CAST: variants seen among roughly 807,000 people sequenced by gnomAD.
CAST encodes the protein calpastatin.
Under a neutral mutation model 119.6 loss-of-function variants are expected in CAST, and 76 were observed. That is an observed-to-expected ratio of 0.64 (90% CI 0.53 to 0.77). The LOEUF (loss-of-function observed/expected upper bound fraction) is 0.77, where lower values mean the gene tolerates loss of function less well. Among genes scored for constraint, CAST ranks in the 30% least tolerant of loss-of-function variants. The probability of loss-of-function intolerance (pLI) is 0.00; values close to 1 mark genes in which losing one functional copy is unlikely to be tolerated. For synonymous variants in CAST, 319 were observed against 331.6 expected, an observed-to-expected ratio of 0.96 and a Z score of 0.41; for missense variants, 953 against 946.5, an observed-to-expected ratio of 1.01 and a Z score of -0.09.
intron 1 of CAST, among the ~76,000 whole-genome samples, chr5:96,577,827 A>G (rs147587468): frequency 4.1e-4 from 63 of 152,262 alleles, no homozygotes; most frequent in Non-Finnish European, 4.4e-4. Flanking sequence ...TGTTCTCTTG[A>G]AAAGGGTACA....
At chr5:96,412,939 TCC>T in the CAST span, 1 of 961,294 alleles carries the variant, frequency 1.0e-6, no homozygotes, top group Non-Finnish European at 1.2e-6. Context: ...AGAAAGACCC[TCC>T]AAGCAGCCCT....
At chr5:96,295,966 A>G in the CAST span, among the ~76,000 whole-genome samples, 1 of 152,230 alleles carries the variant, frequency 6.6e-6, no homozygotes, top group African/African-American at 2.4e-5. Flanking sequence ...GGTATTATAG[A>G]AGATTTTAAC....
the CAST span, among the ~76,000 whole-genome samples, chr5:96,126,018 C>A: frequency 6.6e-6 from 1 of 152,238 alleles, no homozygotes; most frequent in Non-Finnish European, 1.5e-5. Flanking sequence ...GCTTTCTTTG[C>A]AGAAATGTTC....
At chr5:96,504,823 T>C in the CAST span, among the ~76,000 whole-genome samples, 3 of 152,248 alleles carry the variant, frequency 2.0e-5, no homozygotes, top group Non-Finnish European at 4.4e-5. Context: ...GCTTTCTGTA[T>C]CTGTTGTTTT....
chr5:96,012,032 A>G, the CAST span, among the ~76,000 whole-genome samples: 11 of 152,140 alleles, frequency 7.2e-5, no homozygotes, highest in African/African-American at 1.9e-4. Context: ...TTTTTCATTT[A>G]TCTTTGAAGT....
the CAST span, among the ~76,000 whole-genome samples, chr5:96,412,062 T>C: frequency 3.3e-5 from 5 of 152,206 alleles, no homozygotes; most frequent in Non-Finnish European, 7.3e-5. Context: ...GGTTTCTCCA[T>C]ATTGGCCACT....
the CAST span, among the ~76,000 whole-genome samples, chr5:96,364,891 C>T: frequency 6.6e-6 from 1 of 152,070 alleles, no homozygotes; most frequent in Non-Finnish European, 1.5e-5. Context: ...GCTCTTGCTT[C>T]TCTAGTTCTT....
chr5:96,470,258 T>G, the CAST span, among the ~76,000 whole-genome samples: 1 of 151,700 alleles, frequency 6.6e-6, no homozygotes, highest in African/African-American at 2.4e-5. Flanking sequence ...TGACTAATAT[T>G]GAAACCACAG....
the CAST span, among the ~76,000 whole-genome samples, chr5:96,423,798 T>C: frequency 3.3e-5 from 5 of 152,230 alleles, no homozygotes; most frequent in African/African-American, 1.2e-4. Context: ...GGAAGCTCTA[T>C]TTGATAGTCG....
the CAST span, among the ~76,000 whole-genome samples, chr5:96,293,845 C>T: frequency 6.6e-6 from 1 of 152,080 alleles, no homozygotes; most frequent in African/African-American, 2.4e-5. Context: ...GCAACCTCTG[C>T]CTCCTGGGTT....
chr5:96,693,552 C>G (rs532493966), intron 2 of CAST, among the ~76,000 whole-genome samples: 83 of 152,280 alleles, frequency 5.5e-4, no homozygotes, highest in Admixed American at 1.7e-3. Flanking sequence ...TTTGGGACAG[C>G]TGTGTCACAT....
chr5:95,998,594 C>T, the CAST span, among the ~76,000 whole-genome samples: 2 of 152,150 alleles, frequency 1.3e-5, no homozygotes, highest in Non-Finnish European at 2.9e-5. Flanking sequence ...CATGATTTCA[C>T]TCTTTTTTAT....
At chr5:96,145,060 C>T in the CAST span, among the ~76,000 whole-genome samples, 1 of 152,174 alleles carries the variant, frequency 6.6e-6, no homozygotes, top group African/African-American at 2.4e-5. Context: ...GAATACTTAG[C>T]TTTTGACTCT....
At position 96,765,315 on chromosome 5, in the gene CAST, A is replaced by G. The variant is rs757043233; in HGVS notation, c.2027A>G (p.Asp676Gly). The change falls in exon 26 of 32, where the codon GAT (aspartate) becomes GGT (glycine). Residue 676 changes from aspartate to glycine, a missense_variant. Physicochemically the swap from Asp to Gly is moderately conservative, Grantham distance 94. Transcript: ENST00000675179. ...PDPDENKPME[D>G]KVKEKAKAEH... ...CCAGATGAGAACAAACCAATGGAAG[A>G]TAAAGTAAAGGTAAAAAAAAAAAAA... 1.5e-6 allele frequency: 2 copies of G among 1,300,416 alleles called. No individual in the cohort carries two copies. Among genetic ancestry groups the G allele is most frequent in the Admixed American group, 4.0e-5 (2 of 49,990 alleles). 80.6% of individuals were successfully genotyped at this position (1,300,416 alleles called of 1,614,324 possible). A position where few individuals can be genotyped will look rare whatever the true frequency, so the allele number is the denominator to read the frequency against.
chr5:96,155,414 G>A, the CAST span, among the ~76,000 whole-genome samples: 4 of 152,128 alleles, frequency 2.6e-5, no homozygotes, highest in African/African-American at 9.7e-5. Context: ...CAGCCTGAAG[G>A]GAAATACTGG....
chr5:96,036,424 T>A, the CAST span, among the ~76,000 whole-genome samples: 3 of 152,136 alleles, frequency 2.0e-5, no homozygotes, highest in Admixed American at 2.0e-4. Flanking sequence ...TACATATCCC[T>A]GTACTTAAAC....
chr5:96,686,969 C>G (rs893954162), intron 2 of CAST, among the ~76,000 whole-genome samples: 1 of 152,150 alleles, frequency 6.6e-6, no homozygotes, highest in Non-Finnish European at 1.5e-5. Flanking sequence ...CCATGTACAT[C>G]ATTCTCAAAT....
At chr5:96,232,181 A>G in the CAST span, among the ~76,000 whole-genome samples, 1 of 152,130 alleles carries the variant, frequency 6.6e-6, no homozygotes, top group Non-Finnish European at 1.5e-5. Context: ...AAAAAATTGA[A>G]ATTGATCAAT....
chr5:96,062,028 C>T, the CAST span, among the ~76,000 whole-genome samples: 1,463 of 152,202 alleles, frequency 9.6e-3, 29 homozygotes, highest in African/African-American at 0.033. Flanking sequence ...AGCCTGATTA[C>T]ACTGGACCCT....
Sources: allele counts gnomAD v4.1 joint callset (sites outside exome capture counted in the v4.1 genomes callset), GRCh38; gene constraint gnomAD v4.1.1; transcripts MANE v1.5; gene names NCBI Gene and HGNC (gene_info 2026-07-23, HGNC 2026-07-21).